SAMD3: variants seen among roughly 807,000 people sequenced by gnomAD.
SAMD3 encodes the protein sterile alpha motif domain containing 3, also known as sterile alpha motif domain-containing protein 3.
A neutral mutation model predicts 58.5 loss-of-function variants in SAMD3; 63 were observed. That is an observed-to-expected ratio of 1.08 (90% confidence interval 0.88 to 1.33). The LOEUF (loss-of-function observed/expected upper bound fraction) is 1.33. Among genes scored for constraint, SAMD3 ranks in the 40% most tolerant of loss-of-function variants. SAMD3 has a pLI of 0.00. For synonymous variants in SAMD3, 220 were observed against 210.3 expected (o/e 1.05, Z -0.40); for missense variants, 604 against 608.4 (o/e 0.99, Z 0.08).
intron 2 of SAMD3, among the ~76,000 whole-genome samples, chr6:130,262,337 C>T (rs536682990): frequency 6.6e-6 from 1 of 151,678 alleles, no homozygotes; most frequent in Admixed American, 6.6e-5. Flanking sequence ...GAGGAAACCT[C>T]ATTGTGAGCA....
chr6:130,286,541 CT>C lies in SAMD3; in HGVS notation c.-188+26436del, dbSNP rs539187734. On this transcript the variant is annotated intron_variant, in intron 2 of 13. Transcript: ENST00000368134. Reference sequence around the variant, plus strand: ...CTAGTTTTTGCTTCAAATTTTCTCTCTTTTTTTGTGGAAACTGTTCTCTAGG... The same window carrying C: ...CTAGTTTTTGCTTCAAATTTTCTCTCTTTTTTGTGGAAACTGTTCTCTAGG... Among the ~76,000 whole-genome samples the C allele has an allele frequency of 9.2e-5, 14 of 152,188 alleles. No individual in the cohort carries two copies. The South Asian group carries it at 2.9e-3, about 32-fold the overall frequency.
chr6:130,315,164 T>TA (rs1354151892), intron 1 of SAMD3, among the ~76,000 whole-genome samples: 2 of 152,164 alleles, frequency 1.3e-5, no homozygotes, highest in Non-Finnish European at 2.9e-5. Context: ...CCTATGTGCT[T>TA]ACATGAAAGT....
intron 1 of SAMD3, among the ~76,000 whole-genome samples, chr6:130,319,846 A>G (rs1258104812): frequency 3.3e-5 from 5 of 152,200 alleles, no homozygotes; most frequent in African/African-American, 1.2e-4. Context: ...GCATGAAAGC[A>G]GCAGCAAAAC....
chr6:130,255,742 C>T (rs764290460), intron 2 of SAMD3, among the ~76,000 whole-genome samples: 2 of 152,072 alleles, frequency 1.3e-5, no homozygotes, highest in Non-Finnish European at 2.9e-5. Flanking sequence ...GATCCCCCCA[C>T]CTCAGCCTCC....
chr6:130,161,989 G>A, intron 8 of SAMD3: 1 of 335,190 alleles, frequency 3.0e-6, no homozygotes, highest in East Asian at 4.5e-5. Context: ...TAGACATGAA[G>A]CACGAAAGAG....
intron 8 of SAMD3, among the ~76,000 whole-genome samples, chr6:130,171,267 C>G (rs1370449825): frequency 1.3e-5 from 2 of 152,154 alleles, no homozygotes; most frequent in East Asian, 1.9e-4. Context: ...GTTGAACCAG[C>G]CTTGCACACC....
chr6:130,363,107 T>C (rs879293937), intron 1 of SAMD3, among the ~76,000 whole-genome samples: 1 of 152,186 alleles, frequency 6.6e-6, no homozygotes, highest in Non-Finnish European at 1.5e-5. Flanking sequence ...CTACAGGGGT[T>C]TTAAGACTAT....
At chr6:130,186,603 G>A (rs899732214) in intron 5 of SAMD3, among the ~76,000 whole-genome samples, 11 of 151,964 alleles carry the variant, frequency 7.2e-5, no homozygotes, top group Admixed American at 7.2e-4. Context: ...TATTTATTAG[G>A]GGTCTACTAA....
chr6:130,287,443 G>A (rs909595458), intron 2 of SAMD3, among the ~76,000 whole-genome samples: 2 of 152,126 alleles, frequency 1.3e-5, no homozygotes, highest in African/African-American at 2.4e-5. Context: ...GGGAAAAGCA[G>A]AATAAATAAC....
At chr6:130,264,232 G>A (rs1774252730) in intron 2 of SAMD3, among the ~76,000 whole-genome samples, 2 of 152,168 alleles carry the variant, frequency 1.3e-5, no homozygotes, top group African/African-American at 4.8e-5. Flanking sequence ...GTCATGCCAA[G>A]CTCTCTGTGT....
At chr6:130,304,671 A>C (rs1256123857) in intron 2 of SAMD3, among the ~76,000 whole-genome samples, 1 of 152,192 alleles carries the variant, frequency 6.6e-6, no homozygotes, top group South Asian at 2.1e-4. Context: ...AATTCAGTGC[A>C]TAGAATCATC....
rs1189405801 is a variant in SAMD3 at position 130,183,504 on chromosome 6, C to T, written c.654+599G>A. 3 of 410,696 alleles carry T rather than the reference C, an allele frequency of 7.3e-6. No individual in the cohort carries two copies. In the Admixed American group the frequency reaches 1.0e-4, roughly 14 times the overall value. 25.4% of individuals were successfully genotyped at this position (410,696 alleles called of 1,614,324 possible). On this transcript the variant is annotated intron_variant, in intron 7 of 11. Coordinates refer to ENST00000439090, the MANE Select transcript of SAMD3 (RefSeq NM_001017373.4). ...ACTGGGTCTGAGAAGGCAAGAAACA[C>T]TTGATGACAGCTCCGAAGCAGGTGC...
chr6:130,361,448 G>T (rs1777986487), intron 1 of SAMD3, among the ~76,000 whole-genome samples: 1 of 152,066 alleles, frequency 6.6e-6, no homozygotes, highest in Admixed American at 6.5e-5. Context: ...GCTTAATTCA[G>T]GTCTAAATGA....
intron 2 of SAMD3, among the ~76,000 whole-genome samples, chr6:130,276,165 A>G (rs1774769180): frequency 6.6e-6 from 1 of 152,160 alleles, no homozygotes; most frequent in African/African-American, 2.4e-5. Flanking sequence ...CAAAGAAAGT[A>G]TGTGGCCTTT....
chr6:130,154,315 A>T lies in SAMD3; in HGVS notation c.1023+510T>A, dbSNP rs181873622. On this transcript the variant is annotated intron_variant, in intron 9 of 11. Coordinates refer to ENST00000439090, the MANE Select transcript of SAMD3 (RefSeq NM_001017373.4). ...GGAGGGTCTGCTTCCTGAAATTCCT[A>T]TCAAATGGCTCTAGTTGCAGCCTTT... Among the ~76,000 whole-genome samples the T allele has an allele frequency of 2.8e-3, 415 of 149,994 alleles. 4 individuals are homozygous for T. The highest frequency in any genetic ancestry group is 8.1e-3 in the African/African-American group (330 of 40,640).
chr6:130,278,408 C>A (rs1304232535), intron 2 of SAMD3, among the ~76,000 whole-genome samples: 1 of 152,172 alleles, frequency 6.6e-6, no homozygotes, highest in East Asian at 1.9e-4. Flanking sequence ...TTGCAATTCC[C>A]CTGTCTTGAT....
chr6:130,182,251 T>C (rs1320982755), intron 7 of SAMD3, among the ~76,000 whole-genome samples: 2 of 115,044 alleles, frequency 1.7e-5, no homozygotes, highest in South Asian at 2.9e-4. Flanking sequence ...TTGTTTTTTT[T>C]CCTTCGCTTT....
intron 2 of SAMD3, among the ~76,000 whole-genome samples, chr6:130,309,942 G>A (rs749023661): frequency 6.6e-6 from 1 of 152,184 alleles, no homozygotes; most frequent in Non-Finnish European, 1.5e-5. Flanking sequence ...GAGGGAGAGA[G>A]AGAGAAAAAC....
At chr6:130,228,323 T>C (rs886153147) in intron 2 of SAMD3, among the ~76,000 whole-genome samples, 1 of 152,218 alleles carries the variant, frequency 6.6e-6, no homozygotes, top group African/African-American at 2.4e-5. Context: ...GCAGCCTCAC[T>C]TGTTTAACCC....
Sources: gnomAD v4.1 joint callset for allele counts (sites outside exome capture counted in the v4.1 genomes callset) on GRCh38, gnomAD v4.1.1 for gene constraint, MANE v1.5 for transcripts, NCBI Gene and HGNC (gene_info 2026-07-23, HGNC 2026-07-21) for gene names.